The following DHX15 variants were observed in gnomAD, a reference collection of about 807,000 sequenced individuals.
DHX15 encodes the protein DEAH-box helicase 15.
In DHX15, 11 loss-of-function variants were observed where a neutral mutation model predicts 94.4. That is an observed-to-expected ratio of 0.12 (90% CI 0.07 to 0.19). DHX15 has a LOEUF of 0.19. Among genes scored for constraint, DHX15 ranks in the 10% least tolerant of loss-of-function variants. DHX15 has a pLI of 1.00. For synonymous variants in DHX15, 338 were observed against 329.9 expected (o/e 1.02, Z -0.27); for missense variants, 304 against 988.5 (o/e 0.31, Z 9.29).
At chr4:24,566,653 C>T (rs1387887827) in intron 3 of DHX15, among the ~76,000 whole-genome samples, 1 of 152,054 alleles carries the variant, frequency 6.6e-6, no homozygotes, top group African/African-American at 2.4e-5. Context: ...CGGTGAAACT[C>T]TGTCTCTACT....
intron 10 of DHX15, among the ~76,000 whole-genome samples, chr4:24,539,532 T>C (rs1231476074): frequency 6.6e-6 from 1 of 152,184 alleles, no homozygotes. Flanking sequence ...ATATATTAGG[T>C]ATGTTTCTTT....
rs527905833 is a variant in DHX15, at chr4:24,584,203, C to T, written c.71+120G>A. The T allele has an allele frequency of 5.7e-5, 62 of 1,096,782 alleles. No homozygotes were observed. The East Asian group carries it at 1.6e-3, about 29-fold the overall frequency. The allele number at this position is 1,096,782 out of a possible 1,614,324, so 67.9% of individuals were successfully genotyped here. A position where few individuals can be genotyped will look rare whatever the true frequency, so the allele number is the denominator to read the frequency against. On this transcript the variant is annotated intron_variant, in intron 1 of 13. Transcript: ENST00000336812. ...TCCTACCCGCCGCTAGTGAACCCAG[C>T]CCAGAGAGAAACAAAGGCTCGGGCT...
At position 24,531,279 on chromosome 4, in the gene DHX15, G is replaced by A. The variant is rs964183164; in HGVS notation, c.2101-1509C>T. Among the ~76,000 whole-genome samples the A allele has an allele frequency of 8.6e-5, 13 of 151,994 alleles. No individual in the cohort carries two copies. In the South Asian group the frequency reaches 2.3e-3, roughly 27 times the overall value. ...AATTTTTTGTATTTTTAGTAGAGAC[G>A]GGGTTTCACCATGTTAGCCAGGATG... On this transcript the variant is annotated intron_variant, in intron 12 of 13. Transcript: ENST00000336812.
intron 3 of DHX15, among the ~76,000 whole-genome samples, chr4:24,570,279 C>A (rs1472782814): frequency 6.6e-6 from 1 of 151,038 alleles, no homozygotes; most frequent in Non-Finnish European, 1.5e-5. Flanking sequence ...TAAATCACAT[C>A]CCATCCTATA....
chr4:24,567,260 T>C (rs756213565), intron 3 of DHX15, among the ~76,000 whole-genome samples: 16 of 152,168 alleles, frequency 1.1e-4, no homozygotes, highest in Non-Finnish European at 1.2e-4. Context: ...TTCAAAAAAC[T>C]GAAGGTGATT....
chr4:24,529,569 C>T (rs1560758861), intron 13 of DHX15, 32 bp downstream of exon 13: 1 of 1,606,178 alleles, frequency 6.2e-7, no homozygotes, highest in South Asian at 1.1e-5. Context: ...AAAGTACTAA[C>T]AAAAAACTGT....
chr4:24,556,430 T>C lies in DHX15; in HGVS notation c.702-20A>G. The C allele has an allele frequency of 6.3e-7, 1 of 1,588,078 alleles. No homozygotes were observed. The highest frequency in any genetic ancestry group is 8.6e-7 in the Non-Finnish European group (1 of 1,164,454). On this transcript the variant is annotated intron_variant, in intron 3 of 13. Transcript: ENST00000336812. ...ATATACCTATATTCCAAAGAACATG[T>C]TGGTTAAAGGTTCCGTTAGGTCATT...
chr4:24,542,301 A>C (rs1203234556), intron 7 of DHX15, among the ~76,000 whole-genome samples: 1 of 152,082 alleles, frequency 6.6e-6, no homozygotes, highest in African/African-American at 2.4e-5. Context: ...TATCAGGCTG[A>C]CCTTGTTCCT....
At chr4:24,549,882 T>C (rs568859416) in intron 5 of DHX15, among the ~76,000 whole-genome samples, 3 of 151,586 alleles carry the variant, frequency 2.0e-5, no homozygotes, top group South Asian at 4.2e-4. Flanking sequence ...TCACCTGAGG[T>C]TGGGAGTTCG....
intron 13 of DHX15, among the ~76,000 whole-genome samples, chr4:24,528,555 T>C (rs1231485431): frequency 1.3e-5 from 2 of 152,208 alleles, no homozygotes; most frequent in Admixed American, 6.5e-5. Context: ...GGTAATGTCC[T>C]ACACAATTTA....
chr4:24,530,109 T>C (rs1407689938), intron 12 of DHX15: 1 of 360,192 alleles, frequency 2.8e-6, no homozygotes, highest in East Asian at 7.3e-5. Flanking sequence ...AACACAGGCA[T>C]GCCCATTTGT....
chr4:24,548,949 A>G lies in DHX15; in HGVS notation c.1154T>C (p.Ile385Thr). 1 of 1,613,956 alleles carries G rather than the reference A, an allele frequency of 6.2e-7. No homozygotes were observed. Among genetic ancestry groups the G allele is most frequent in the Admixed American group, 1.7e-5 (1 of 60,028 alleles). ...TGGAAGTGTAGAATACAATGGAATGATTTTAATGTCACCAACTTCAGGGCC... is the reference window on the plus strand; with the variant it reads ...TGGAAGTGTAGAATACAATGGAATGGTTTTAATGTCACCAACTTCAGGGCC... ...DLGPEVGDIK[I>T]IPLYSTLPPQ... The change falls in exon 6 of 14, where the codon ATC (isoleucine) becomes ACC (threonine). Residue 385 changes from isoleucine to threonine, a missense_variant. Ile to Thr is a moderately conservative substitution (Grantham distance 89). Transcript: ENST00000336812.
At chr4:24,552,842 ATC>A (rs1337529918) in intron 5 of DHX15, among the ~76,000 whole-genome samples, 1 of 152,232 alleles carries the variant, frequency 6.6e-6, no homozygotes, top group Non-Finnish European at 1.5e-5. Context: ...TCTAGCATAC[ATC>A]TGAAAACCCT....
chr4:24,582,446 T>G (rs575158016), intron 1 of DHX15, among the ~76,000 whole-genome samples: 1 of 152,252 alleles, frequency 6.6e-6, no homozygotes, highest in Non-Finnish European at 1.5e-5. Context: ...ACATTTTAAA[T>G]GGTGCACATA....
At chr4:24,542,278 C>T (rs1721328437) in intron 7 of DHX15, among the ~76,000 whole-genome samples, 1 of 152,140 alleles carries the variant, frequency 6.6e-6, no homozygotes, top group African/African-American at 2.4e-5. Context: ...CTTACTCCTC[C>T]TAATTTCAGT....
intron 6 of DHX15, among the ~76,000 whole-genome samples, chr4:24,546,421 TAAC>T (rs1211686639): frequency 7.9e-5 from 12 of 152,204 alleles, no homozygotes; most frequent in Non-Finnish European, 1.5e-4. Context: ...TGTATTTTAA[TAAC>T]AACCAAATCC....
intron 3 of DHX15, among the ~76,000 whole-genome samples, chr4:24,557,576 C>T (rs1721764837): frequency 6.6e-6 from 1 of 152,108 alleles, no homozygotes; most frequent in African/African-American, 2.4e-5. Context: ...AAACTATTGG[C>T]AAACAAATCC....
chr4:24,583,023 A>T (rs1216362688), intron 1 of DHX15, among the ~76,000 whole-genome samples: 1 of 152,182 alleles, frequency 6.6e-6, no homozygotes, highest in Non-Finnish European at 1.5e-5. Flanking sequence ...CCTGGCTTAT[A>T]CTCTACAATG....
intron 2 of DHX15, among the ~76,000 whole-genome samples, chr4:24,573,698 C>T (rs9995802): frequency 0.036 from 5,491 of 152,174 alleles, 298 homozygotes; most frequent in African/African-American, 0.12. Flanking sequence ...TAAGGCTCAA[C>T]TTACAGTTCC....
Sources: gnomAD v4.1 joint callset for allele counts (sites outside exome capture counted in the v4.1 genomes callset) on GRCh38, gnomAD v4.1.1 for gene constraint, MANE v1.5 for transcripts, NCBI Gene and HGNC (gene_info 2026-07-23, HGNC 2026-07-21) for gene names.